The following TP63 variants were observed in gnomAD, a reference collection of about 807,000 sequenced individuals.
The protein encoded by TP63 is tumor protein p63.
Under a neutral mutation model 82.8 loss-of-function variants are expected in TP63, and 17 were observed. The ratio of observed to expected loss-of-function variants is 0.21; its 90% CI spans 0.14 to 0.31. The LOEUF (loss-of-function observed/expected upper bound fraction) is 0.31. TP63 is among the 10% of genes least tolerant of loss of function. TP63 has a pLI of 1.00. For synonymous variants in TP63, 330 were observed against 321.7 expected (o/e 1.03, Z -0.28); for missense variants, 648 against 895.3 (o/e 0.72, Z 3.52).
rs1044604580 is a variant in TP63, at chr3:189,648,538, T to C, written c.62+16961T>C. Among the ~76,000 whole-genome samples, 6 of 147,056 alleles carry C rather than the reference T, an allele frequency of 4.1e-5. 1 individual carries two copies. Among genetic ancestry groups the C allele is most frequent in the Non-Finnish European group, 8.9e-5 (6 of 67,286 alleles). On this transcript the variant is annotated intron_variant, in intron 1 of 13. Coordinates refer to ENST00000264731, the MANE Select transcript of TP63 (RefSeq NM_003722.5). ...TTGGTACATTTACTTATATTGCTTT[T>C]CCTGACCACTGGGATACAATTTCTT...
chr3:189,767,315 C>A (rs1439269938), intron 3 of TP63, among the ~76,000 whole-genome samples: 1 of 152,028 alleles, frequency 6.6e-6, no homozygotes, highest in Non-Finnish European at 1.5e-5. Context: ...TAATAACTCA[C>A]ATAACATGTT....
chr3:189,893,144 C>A (rs1721189085), intron 13 of TP63, among the ~76,000 whole-genome samples: 1 of 152,112 alleles, frequency 6.6e-6, no homozygotes, highest in Admixed American at 6.5e-5. Flanking sequence ...AATGAGGTAA[C>A]AATACAACAT....
intron 3 of TP63, among the ~76,000 whole-genome samples, chr3:189,776,834 AAGAG>A (rs1723839676): frequency 2.0e-5 from 3 of 152,204 alleles, no homozygotes; most frequent in Admixed American, 2.0e-4. Flanking sequence ...TACGCAGGAT[AAGAG>A]AGAGAAGAGA....
chr3:189,720,368 G>GA (rs1719288734), intron 1 of TP63, among the ~76,000 whole-genome samples: 1 of 152,038 alleles, frequency 6.6e-6, no homozygotes, highest in African/African-American at 2.4e-5. Context: ...ATTTACTTGT[G>GA]AAAAAACTTC....
At chr3:189,707,089 T>C (rs1331457336) in intron 1 of TP63, among the ~76,000 whole-genome samples, 1 of 152,254 alleles carries the variant, frequency 6.6e-6, no homozygotes, top group Non-Finnish European at 1.5e-5. Flanking sequence ...GGTTGTATCT[T>C]AGAACCATAC....
At chr3:189,821,688 A>G (rs550811432) in intron 4 of TP63, among the ~76,000 whole-genome samples, 2 of 152,364 alleles carry the variant, frequency 1.3e-5, no homozygotes, top group African/African-American at 2.4e-5. Context: ...TGTAGGGCAT[A>G]GATTATCTCC....
chr3:189,840,370 T>C (rs1190186871), intron 4 of TP63, among the ~76,000 whole-genome samples: 4 of 146,758 alleles, frequency 2.7e-5, no homozygotes, highest in African/African-American at 5.0e-5. Context: ...TTTTTTTTTT[T>C]TTTTTTTTTT....
At chr3:189,865,073 T>C (rs1418201006) in intron 5 of TP63, among the ~76,000 whole-genome samples, 2 of 152,114 alleles carry the variant, frequency 1.3e-5, no homozygotes, top group Non-Finnish European at 2.9e-5. Context: ...CTATTCTACT[T>C]GGCCCAGGCT....
rs550380186 is a variant in TP63, at chr3:189,858,498, G to A, written c.580-5734G>A. On this transcript the variant is annotated intron_variant, in intron 4 of 13. Transcript: ENST00000264731. ...AAAACATAATGAAATCCTGAGGTTG[G>A]GCATAGTGGCTCATGCCTGTAATCC... Among the ~76,000 whole-genome samples, 25 of 152,270 alleles carry A rather than the reference G, an allele frequency of 1.6e-4. No homozygotes were observed. The South Asian group carries it at 5.0e-3, about 30-fold the overall frequency.
In TP63 at chr3:189,896,928, C is replaced by T. The variant is rs568346565; in HGVS notation, c.*2426C>T. 3.5e-4 allele frequency: 78 copies of T among 223,626 alleles called. No individual in the cohort carries two copies. The highest frequency in any genetic ancestry group is 3.1e-3 in the South Asian group (17 of 5,430). 13.9% of individuals were successfully genotyped at this position (223,626 alleles called of 1,614,324 possible). On this transcript the variant is annotated 3_prime_UTR_variant, in exon 14 of 14. Transcript: ENST00000264731. ...GAATTGAAAAGTTTTTGTTTGGAGA[C>T]GTTTATAAACAGAAATGGAAAGCAG...
chr3:189,784,473 G>A (rs565665934), intron 3 of TP63, among the ~76,000 whole-genome samples: 35 of 152,174 alleles, frequency 2.3e-4, no homozygotes, highest in African/African-American at 8.2e-4. Context: ...CTGCATTTCA[G>A]TGTCTTCATC....
At chr3:189,725,587 A>G (rs543698000) in intron 1 of TP63, among the ~76,000 whole-genome samples, 7 of 152,266 alleles carry the variant, frequency 4.6e-5, no homozygotes, top group African/African-American at 1.2e-4. Flanking sequence ...GTGAAAATAT[A>G]TATTTCCTTC....
chr3:189,891,847 C>T (rs542279727), intron 13 of TP63, among the ~76,000 whole-genome samples: 19 of 152,194 alleles, frequency 1.2e-4, no homozygotes, highest in South Asian at 4.2e-4. Flanking sequence ...CTTTGGACTG[C>T]GGGAAGAAGA....
At chr3:189,857,932 GA>G (rs1436714873) in intron 4 of TP63, among the ~76,000 whole-genome samples, 3 of 152,152 alleles carry the variant, frequency 2.0e-5, no homozygotes, top group Non-Finnish European at 2.9e-5. Context: ...GAAGTTCCTT[GA>G]AAAATTAAAA....
chr3:189,846,611 G>GGTGT (rs71861936), intron 4 of TP63, among the ~76,000 whole-genome samples: 2,107 of 141,208 alleles, frequency 0.015, 36 homozygotes, highest in African/African-American at 0.04. Context: ...TGGCCAGTAG[G>GGTGT]GTGTGTGTGT....
intron 4 of TP63, among the ~76,000 whole-genome samples, chr3:189,848,653 T>G (rs1188539460): frequency 1.3e-5 from 2 of 152,222 alleles, no homozygotes; most frequent in Non-Finnish European, 2.9e-5. Flanking sequence ...CTACAGAAAT[T>G]CTGTAATTAG....
chr3:189,692,624 C>A (rs918532673), intron 1 of TP63, among the ~76,000 whole-genome samples: 6 of 151,926 alleles, frequency 3.9e-5, no homozygotes, highest in Admixed American at 1.3e-4. Flanking sequence ...TATATAAATG[C>A]ATTTTATTTT....
At chr3:189,767,390 G>A (rs1467103667) in intron 3 of TP63, among the ~76,000 whole-genome samples, 1 of 152,020 alleles carries the variant, frequency 6.6e-6, no homozygotes, top group African/African-American at 2.4e-5. Flanking sequence ...TTCATTGAAG[G>A]GGAAAAACCA....
At chr3:189,703,425 AAAAT>A (rs1157324489) in intron 1 of TP63, among the ~76,000 whole-genome samples, 1 of 21,336 alleles carries the variant, frequency 4.7e-5, no homozygotes, top group East Asian at 9.6e-4. Context: ...GACCCTGTCT[AAAAT>A]AGATAGATAG....
Sources: gnomAD v4.1 joint callset for allele counts (sites outside exome capture counted in the v4.1 genomes callset) on GRCh38, gnomAD v4.1.1 for gene constraint, MANE v1.5 for transcripts, NCBI Gene and HGNC (gene_info 2026-07-23, HGNC 2026-07-21) for gene names.